SND1: variants seen among roughly 807,000 people sequenced by gnomAD.
SND1 encodes staphylococcal nuclease and tudor domain containing 1.
SND1 carries 38 observed loss-of-function variants against 121.7 expected under a neutral mutation model. That is an observed-to-expected ratio of 0.31 (90% CI 0.24 to 0.41). The LOEUF is 0.41. Ranked by LOEUF, SND1 falls within the 10% of genes least tolerant of loss-of-function variation. The pLI, the probability that SND1 is intolerant of heterozygous loss-of-function variation, is 1.00. For missense variants in SND1, 868 were observed against 1,184.6 expected, an observed-to-expected ratio of 0.73 and a Z score of 3.92; for synonymous variants, 401 against 447.4, an observed-to-expected ratio of 0.90 and a Z score of 1.31.
chr7:127,971,631 T>C (rs1801989910), intron 15 of SND1, among the ~76,000 whole-genome samples: 1 of 152,198 alleles, frequency 6.6e-6, no homozygotes, highest in African/African-American at 2.4e-5. Context: ...AAGCCCATTC[T>C]TGACCCCTAG....
chr7:127,835,951 C>A (rs542969820), intron 11 of SND1, among the ~76,000 whole-genome samples: 1 of 152,246 alleles, frequency 6.6e-6, no homozygotes, highest in African/African-American at 2.4e-5. Context: ...TTCTAGAAAT[C>A]TTTGCCATTT....
chr7:127,897,972 A>G (rs563128206), intron 13 of SND1, among the ~76,000 whole-genome samples: 6 of 152,184 alleles, frequency 3.9e-5, no homozygotes, highest in South Asian at 2.1e-4. Context: ...CTGAGGCCCT[A>G]TCCTCTCAAG....
intron 19 of SND1, 79 bp downstream of exon 19, chr7:128,084,926 T>C (rs1246557837): frequency 1.4e-6 from 2 of 1,437,542 alleles, no homozygotes; most frequent in Non-Finnish European, 1.9e-6. Flanking sequence ...GGTGTTGCCT[T>C]AGCAGTCTGG....
At chr7:127,925,570 C>G (rs918218320) in intron 14 of SND1, among the ~76,000 whole-genome samples, 2 of 150,170 alleles carry the variant, frequency 1.3e-5, no homozygotes, top group African/African-American at 4.9e-5. Flanking sequence ...AATCTAAGGT[C>G]TTAAATCTTT....
chr7:127,961,055 G>GC (rs1801719221), intron 15 of SND1, among the ~76,000 whole-genome samples: 1 of 152,150 alleles, frequency 6.6e-6, no homozygotes, highest in South Asian at 2.1e-4. Flanking sequence ...CCTTCTTCCT[G>GC]CCAAGAGAGG....
chr7:128,034,857 T>C (rs1792718530), intron 16 of SND1, among the ~76,000 whole-genome samples: 1 of 152,204 alleles, frequency 6.6e-6, no homozygotes, highest in African/African-American at 2.4e-5. Flanking sequence ...GATTGCAGCC[T>C]CTCATTTTGG....
intron 16 of SND1, among the ~76,000 whole-genome samples, chr7:128,019,487 G>A (rs1803300587): frequency 6.6e-6 from 1 of 152,162 alleles, no homozygotes; most frequent in Non-Finnish European, 1.5e-5. Context: ...CGGTCTCTAG[G>A]GGAGCTAGCA....
chr7:128,065,876 C>G (rs1252375774), intron 16 of SND1, among the ~76,000 whole-genome samples: 1 of 152,190 alleles, frequency 6.6e-6, no homozygotes, highest in African/African-American at 2.4e-5. Flanking sequence ...GCTTGGGAGA[C>G]CTTTGGGAAG....
chr7:127,756,894 G>A (rs1047990932), intron 10 of SND1, among the ~76,000 whole-genome samples: 3 of 152,242 alleles, frequency 2.0e-5, no homozygotes, highest in East Asian at 3.9e-4. Context: ...ATTAATCTGT[G>A]TATCTGCCAC....
chr7:128,066,499 A>G (rs566209103), intron 16 of SND1, among the ~76,000 whole-genome samples: 2 of 152,334 alleles, frequency 1.3e-5, no homozygotes, highest in East Asian at 3.9e-4. Context: ...ACAGTAGCAC[A>G]TGGAAAATCC....
chr7:127,842,094 C>G (rs1156897918), intron 11 of SND1, among the ~76,000 whole-genome samples: 3 of 152,124 alleles, frequency 2.0e-5, no homozygotes, highest in Non-Finnish European at 4.4e-5. Flanking sequence ...TGTTCATTTT[C>G]AAGATGAGTT....
intron 15 of SND1, among the ~76,000 whole-genome samples, chr7:127,932,980 C>T (rs550035929): frequency 6.6e-6 from 1 of 152,312 alleles, no homozygotes; most frequent in South Asian, 2.1e-4. Flanking sequence ...TCATCCTCTG[C>T]TCTGTAGCAT....
intron 12 of SND1, among the ~76,000 whole-genome samples, chr7:127,848,201 C>G (rs772588584): frequency 4.6e-5 from 7 of 152,212 alleles, no homozygotes; most frequent in Non-Finnish European, 1.0e-4. Flanking sequence ...AATGCTTAAA[C>G]AATAGAGGTG....
chr7:127,932,632 G>T (rs1002051576), intron 15 of SND1, among the ~76,000 whole-genome samples: 4 of 152,188 alleles, frequency 2.6e-5, no homozygotes, highest in African/African-American at 9.7e-5. Context: ...GAAATACTTT[G>T]TGAAAGGAAG....
At chr7:127,710,472 T>C (rs1054207681) in intron 9 of SND1, among the ~76,000 whole-genome samples, 1 of 150,086 alleles carries the variant, frequency 6.7e-6, no homozygotes, top group Non-Finnish European at 1.5e-5. Flanking sequence ...AAGTCAGCAA[T>C]GTTCTTAGTG....
At chr7:127,967,137 G>A (rs890209710) in intron 15 of SND1, among the ~76,000 whole-genome samples, 1 of 152,172 alleles carries the variant, frequency 6.6e-6, no homozygotes, top group South Asian at 2.1e-4. Context: ...CTCCCAGTGG[G>A]TGTTGCACAG....
At chr7:128,070,456 T>A (rs1432233052) in intron 16 of SND1, among the ~76,000 whole-genome samples, 2 of 152,208 alleles carry the variant, frequency 1.3e-5, no homozygotes, top group Non-Finnish European at 2.9e-5. Context: ...GTCACCTAAG[T>A]CACCTAAGGC....
intron 16 of SND1, among the ~76,000 whole-genome samples, chr7:128,044,257 C>T (rs537077224): frequency 6.6e-6 from 1 of 152,354 alleles, no homozygotes; most frequent in South Asian, 2.1e-4. Flanking sequence ...CACTTCTCCA[C>T]TCGGTGTGGT....
rs1796223468 is a variant in SND1 at position 127,707,622 on chromosome 7, A to G, written c.1013A>G (p.Gln338Arg). 6.2e-7 allele frequency: 1 copy of G among 1,614,030 alleles called. No individual in the cohort carries two copies. The highest frequency in any genetic ancestry group is 2.2e-5 in the East Asian group (1 of 44,878). ...GTGGCTCCCACAGCTAATTTGGACC[A>G]AAAGGACAAGCAGTTTGTTGCCAAG... The part of the protein sequence containing the change: ...DYVAPTANLD[Q>R]KDKQFVAKVM... The change falls in exon 9 of 24, where the codon CAA becomes CGA. Residue 338 changes from glutamine (Q) to arginine (R), a missense_variant. By Grantham distance (43) the Gln-to-Arg change is conservative. Transcript: ENST00000354725.
Sources: allele counts gnomAD v4.1 joint callset (sites outside exome capture counted in the v4.1 genomes callset), GRCh38; gene constraint gnomAD v4.1.1; transcripts MANE v1.5; gene names NCBI Gene and HGNC (gene_info 2026-07-23, HGNC 2026-07-21).